Variants in TEX38 observed in about 807,000 individuals in gnomAD.
TEX38 encodes the protein testis-expressed protein 38.
TEX38 carries 5 observed loss-of-function variants against 2.7 expected under a neutral mutation model. The observed-to-expected ratio is 1.86, with a 90% CI of 0.97 to 3.90. TEX38 has a LOEUF of 3.90. Among genes scored for constraint, TEX38 ranks in the 30% most tolerant of loss-of-function variants. TEX38 has a pLI of 0.00. For synonymous variants in TEX38, 110 were observed against 103.3 expected, an observed-to-expected ratio of 1.06 and a Z score of -0.39; for missense variants, 218 against 247.9, an observed-to-expected ratio of 0.88 and a Z score of 0.81.
chr1:46,673,383 T>C lies in TEX38; in HGVS notation c.548T>C (p.Leu183Pro), dbSNP rs1676629451. 6.4e-7 allele frequency: 1 copy of C among 1,551,832 alleles called. No individual in the cohort carries two copies. The highest frequency in any genetic ancestry group is 8.7e-7 in the Non-Finnish European group (1 of 1,147,052). Residue 183 changes from leucine to proline, a missense_variant, in exon 2 of 2, where the codon CTC becomes CCC. Leu to Pro is a moderately conservative substitution (Grantham distance 98, BLOSUM62 -3). Coordinates refer to ENST00000334122, the MANE Select transcript of TEX38 (RefSeq NM_001145474.4). ...PLATCPERNV[L>P]FHSLLNLAQE... ...GCCACCTGTCCTGAAAGGAATGTTCTCTTCCATTCCCTCCTGAATCTGGCC... is the reference window on the plus strand; with the variant it reads ...GCCACCTGTCCTGAAAGGAATGTTCCCTTCCATTCCCTCCTGAATCTGGCC...
At position 46,673,263 on chromosome 1, in the gene TEX38, C is replaced by A; in HGVS notation, c.428C>A (p.Ser143Tyr). 6.4e-7 allele frequency: 1 copy of A among 1,551,404 alleles called. No individual in the cohort carries two copies. Among genetic ancestry groups the A allele is most frequent in the Admixed American group, 2.0e-5 (1 of 50,990 alleles). ...GCTCCACAGCAGCCCCAGGCCAGAT[C>A]CCCATTCCCACTTCCCATCTTTCAG... ...QLAPQQPQARSPFPLPIFQEV... is the reference protein window; with the variant it reads ...QLAPQQPQARYPFPLPIFQEV... The change falls in exon 2 of 2, where the codon TCC (serine) becomes TAC (tyrosine). Residue 143 changes from serine to tyrosine, a missense_variant. Physicochemically the swap from Ser to Tyr is moderately radical, Grantham distance 144. Coordinates refer to ENST00000334122, the MANE Select transcript of TEX38 (RefSeq NM_001145474.4).
chr1:46,671,537 A>T (rs751712787), upstream of TEX38, among the ~76,000 whole-genome samples: 6 of 152,126 alleles, frequency 3.9e-5, no homozygotes, highest in Non-Finnish European at 7.4e-5. Context: ...CTCACTGGGG[A>T]CAGGTATCCC....
Position 46,672,901 on chromosome 1 carries a change from G to A in TEX38, c.66G>A (p.Leu22=). Residue 22 remains leucine (L), a synonymous_variant, in exon 2 of 2, where the codon CTG becomes CTA. Coordinates refer to ENST00000334122, the MANE Select transcript of TEX38 (RefSeq NM_001145474.4). ...GMWVSLYFGI[L]GLCSVITGGC... ...GGGTCTCATTGTACTTTGGAATCCT[G>A]GGGCTGTGTTCTGTGATAACTGGAG... is the stretch of plus-strand genomic sequence containing the variant. 6.4e-7 allele frequency: 1 copy of A among 1,551,466 alleles called. No individual in the cohort carries two copies. The highest frequency in any genetic ancestry group is 8.7e-7 in the Non-Finnish European group (1 of 1,146,892).
At position 46,673,002 on chromosome 1, in the gene TEX38, G is replaced by A; in HGVS notation, c.167G>A (p.Arg56Lys). Residue 56 changes from arginine to lysine, a missense_variant, in exon 2 of 2, where the codon AGA (arginine) becomes AAA (lysine). Coordinates refer to ENST00000334122, the MANE Select transcript of TEX38 (RefSeq NM_001145474.4). Reference protein sequence around the residue: ...EHAQQWVEVMRAATFTYSPLL... With the variant: ...EHAQQWVEVMKAATFTYSPLL... ...GCCCAGCAGTGGGTGGAGGTGATGA[G>A]AGCTGCCACATTCACCTACAGCCCA... The A allele has an allele frequency of 6.4e-7, 1 of 1,551,666 alleles. No individual in the cohort carries two copies. Among genetic ancestry groups the A allele is most frequent in the Non-Finnish European group, 8.7e-7 (1 of 1,146,986 alleles).
rs370297037 is a variant in TEX38, at chr1:46,673,455, A to G, written c.620A>G (p.Ter207TrpextTer20). The change falls in exon 2 of 2, where the codon TAG becomes TGG. Residue 207 changes from the stop codon to tryptophan (W), a stop_lost. Coordinates refer to ENST00000334122, the MANE Select transcript of TEX38 (RefSeq NM_001145474.4). ...GCCAAGCCTTTTCCTTCAGAACTGT[A>G]GCCTCCTCTCACTGAAGGTGGGAGC... ...FNAKPFPSEL* is the reference protein window; with the variant it reads ...FNAKPFPSELW The G allele has an allele frequency of 7.1e-6, 11 of 1,544,394 alleles. No homozygotes were observed. The highest frequency in any genetic ancestry group is 9.6e-6 in the Non-Finnish European group (11 of 1,142,328).
At chr1:46,672,789 A>T in intron 1 of TEX38, 84 bp from the exon 2 acceptor site, 2 of 1,235,640 alleles carry the variant, frequency 1.6e-6, no homozygotes, top group African/African-American at 1.5e-5. Context: ...TGCATGGGTT[A>T]AGTGAAAGAG....
Position 46,673,497 on chromosome 1 carries a change from A to G in TEX38, c.*41A>G. ...GGTGGGAGCTGCAGGAATCAGGTGC[A>G]GAGTAGGAAATGGAACTAACCTCAG... On this transcript the variant is annotated 3_prime_UTR_variant, in exon 2 of 2. Transcript: ENST00000334122. 2 of 1,491,812 alleles carry G rather than the reference A, an allele frequency of 1.3e-6. No homozygotes were observed. Among genetic ancestry groups the G allele is most frequent in the Non-Finnish European group, 1.8e-6 (2 of 1,111,378 alleles). The allele number at this position is 1,491,812 out of a possible 1,614,324, so 92.4% of individuals were successfully genotyped here.
chr1:46,669,457 C>G (rs1453397582), upstream of TEX38: 4 of 456,088 alleles, frequency 8.8e-6, no homozygotes, highest in Admixed American at 4.7e-5. Context: ...GCCTCCTCAT[C>G]ATCTAAGGGC....
chr1:46,670,542 G>A (rs551960217), upstream of TEX38, among the ~76,000 whole-genome samples: 8 of 152,278 alleles, frequency 5.3e-5, no homozygotes, highest in Admixed American at 2.6e-4. Context: ...ATACAGTTGC[G>A]TACTGTCAGT....
In TEX38 at chr1:46,673,486, G is replaced by C. The variant is rs1676633317; in HGVS notation, c.*30G>C. The C allele has an allele frequency of 6.6e-6, 10 of 1,513,866 alleles. No homozygotes were observed. Among genetic ancestry groups the C allele is most frequent in the South Asian group, 6.3e-5 (5 of 79,032 alleles). The allele number at this position is 1,513,866 out of a possible 1,614,324, so 93.8% of individuals were successfully genotyped here. On this transcript the variant is annotated 3_prime_UTR_variant, in exon 2 of 2. Coordinates refer to ENST00000334122, the MANE Select transcript of TEX38 (RefSeq NM_001145474.4). ...CTCTCACTGAAGGTGGGAGCTGCAGGAATCAGGTGCAGAGTAGGAAATGGA... is the reference window on the plus strand; with the variant it reads ...CTCTCACTGAAGGTGGGAGCTGCAGCAATCAGGTGCAGAGTAGGAAATGGA...
chr1:46,673,582 GAAA>G lies in TEX38; in HGVS notation c.*136_*138del. The stretch of plus-strand genomic sequence containing the variant: ...GATGTCATGCTATGAAACATTAAAA[GAAA>G]AAAAAAAAAGTCCAAGGCTCCCTCG... On this transcript the variant is annotated 3_prime_UTR_variant, in exon 2 of 2. Transcript: ENST00000334122. The G allele has an allele frequency of 1.7e-6, 1 of 580,192 alleles. No homozygotes were observed. Among genetic ancestry groups the G allele is most frequent in the Non-Finnish European group, 2.5e-6 (1 of 394,812 alleles). 35.9% of individuals were successfully genotyped at this position (580,192 alleles called of 1,614,324 possible).
chr1:46,670,439 G>A (rs141706046), upstream of TEX38, among the ~76,000 whole-genome samples: 684 of 152,268 alleles, frequency 4.5e-3, 1 homozygote, highest in Admixed American at 8.6e-3. Flanking sequence ...GGACATGTTG[G>A]TTTGGGATAA....
In TEX38 at chr1:46,673,445, T is replaced by A. The variant is rs77202675; in HGVS notation, c.610T>A (p.Ser204Thr). The change falls in exon 2 of 2, where the codon TCA (serine) becomes ACA (threonine). Residue 204 changes from serine to threonine, a missense_variant. Transcript: ENST00000334122. Reference sequence around the variant, plus strand: ...TAGCTTCAATGCCAAGCCTTTTCCTTCAGAACTGTAGCCTCCTCTCACTGA... The same window carrying A: ...TAGCTTCAATGCCAAGCCTTTTCCTACAGAACTGTAGCCTCCTCTCACTGA... ...DHSFNAKPFPSEL is the reference protein window; with the variant it reads ...DHSFNAKPFPTEL 4.3e-3 allele frequency: 6,697 copies of A among 1,549,322 alleles called. 128 individuals carry two copies. Among genetic ancestry groups the A allele is most frequent in the Admixed American group, 0.043 (2,192 of 50,932 alleles).
chr1:46,673,578 A>G lies in TEX38; in HGVS notation c.*122A>G, dbSNP rs909576363. 7.4e-6 allele frequency: 6 copies of G among 806,214 alleles called. No individual in the cohort carries two copies. Among genetic ancestry groups the G allele is most frequent in the Non-Finnish European group, 1.1e-5 (6 of 561,112 alleles). The allele number at this position is 806,214 out of a possible 1,614,324, so 49.9% of individuals were successfully genotyped here. A position where few individuals can be genotyped will look rare whatever the true frequency, so the allele number is the denominator to read the frequency against. On this transcript the variant is annotated 3_prime_UTR_variant, in exon 2 of 2. Coordinates refer to ENST00000334122, the MANE Select transcript of TEX38 (RefSeq NM_001145474.4). ...CCTGGATGTCATGCTATGAAACATT[A>G]AAAGAAAAAAAAAAAAGTCCAAGGC... is the stretch of plus-strand genomic sequence containing the variant.
intron 1 of TEX38, among the ~76,000 whole-genome samples, 170 bp from the exon 2 acceptor site, chr1:46,672,703 G>A (rs1676605730): frequency 6.6e-6 from 1 of 152,184 alleles, no homozygotes; most frequent in South Asian, 2.1e-4. Flanking sequence ...AGCTTTGACT[G>A]AATAAGGGAA....
chr1:46,673,130 C>T lies in TEX38; in HGVS notation c.295C>T (p.Pro99Ser). 6.4e-7 allele frequency: 1 copy of T among 1,551,748 alleles called. No individual in the cohort carries two copies. The highest frequency in any genetic ancestry group is 8.7e-7 in the Non-Finnish European group (1 of 1,146,980). ...CAAGACTGAGACTGAGGTCCAGAAT[C>T]CAGATGTTCTGTGGGATTTGGACAT... Reference protein sequence around the residue: ...VTKTETEVQNPDVLWDLDIPE... With the variant: ...VTKTETEVQNSDVLWDLDIPE... The change falls in exon 2 of 2, where the codon CCA becomes TCA. Residue 99 changes from proline (P) to serine (S), a missense_variant. Coordinates refer to ENST00000334122, the MANE Select transcript of TEX38 (RefSeq NM_001145474.4).
At chr1:46,671,850 G>A (rs1344021567), upstream of TEX38, 6 of 1,379,016 alleles carry the variant, frequency 4.4e-6, no homozygotes, top group Non-Finnish European at 6.1e-6. Flanking sequence ...CTGATTGGCT[G>A]GGCAGATGGG....
At position 46,673,279 on chromosome 1, in the gene TEX38, C is replaced by T; in HGVS notation, c.444C>T (p.Pro148=). ...QPQARSPFPL[P]IFQEVPFAPP... is the part of the protein sequence containing the mutation. Reference sequence around the variant, plus strand: ...AGGCCAGATCCCCATTCCCACTTCCCATCTTTCAGGAGGTGCCCTTTGCCC... The same window carrying T: ...AGGCCAGATCCCCATTCCCACTTCCTATCTTTCAGGAGGTGCCCTTTGCCC... The change falls in exon 2 of 2, where the codon CCC becomes CCT. Residue 148 remains proline, a synonymous_variant. Transcript: ENST00000334122. The T allele has an allele frequency of 6.4e-7, 1 of 1,551,694 alleles. No homozygotes were observed. Among genetic ancestry groups the T allele is most frequent in the Non-Finnish European group, 8.7e-7 (1 of 1,146,980 alleles).
Position 46,673,216 on chromosome 1 carries a change from C to T in TEX38, c.381C>T (p.Pro127=). Residue 127 remains proline (P), a synonymous_variant, in exon 2 of 2, where the codon CCC becomes CCT. Transcript: ENST00000334122. The part of the protein sequence containing the change: ...DSNPKAEAPA[P]LQPALQLAPQ... The stretch of plus-strand genomic sequence containing the variant: ...ACCCCAAGGCGGAAGCCCCTGCTCC[C>T]CTGCAACCTGCACTGCAGCTGGCTC... The T allele has an allele frequency of 6.4e-7, 1 of 1,550,590 alleles. No individual in the cohort carries two copies. Among genetic ancestry groups the T allele is most frequent in the Non-Finnish European group, 8.7e-7 (1 of 1,146,358 alleles).
Sources: gnomAD v4.1 joint callset for allele counts (sites outside exome capture counted in the v4.1 genomes callset) on GRCh38, gnomAD v4.1.1 for gene constraint, MANE v1.5 for transcripts, NCBI Gene and HGNC (gene_info 2026-07-23, HGNC 2026-07-21) for gene names.